The following LRRK1 variants were observed in gnomAD, a reference collection of about 807,000 sequenced individuals.
LRRK1 encodes the protein leucine rich repeat kinase 1.
LRRK1 carries 113 observed loss-of-function variants against 209.1 expected under a neutral mutation model. The observed-to-expected ratio is 0.54, with a 90% CI of 0.46 to 0.63. The LOEUF is 0.63. LRRK1 is among the 30% of genes least tolerant of loss of function. The probability of loss-of-function intolerance (pLI) is 0.00; values close to 1 mark genes in which losing one functional copy is unlikely to be tolerated. For synonymous variants in LRRK1, 1,144 were observed against 1,099.7 expected, an observed-to-expected ratio of 1.04 and a Z score of -0.80; for missense variants, 2,284 against 2,632.2, an observed-to-expected ratio of 0.87 and a Z score of 2.89.
At chr15:101,008,272 A>G (rs1041480852) in intron 6 of LRRK1, among the ~76,000 whole-genome samples, 6 of 150,164 alleles carry the variant, frequency 4.0e-5, no homozygotes, top group African/African-American at 1.5e-4. Context: ...CGTGGGCCAG[A>G]GTTCTGTTTT....
intron 27 of LRRK1, among the ~76,000 whole-genome samples, chr15:101,055,870 C>T (rs531602377): frequency 6.6e-6 from 1 of 152,312 alleles, no homozygotes; most frequent in East Asian, 1.9e-4. Context: ...TAATTGATCA[C>T]CCAGCATTAA....
intron 2 of LRRK1, among the ~76,000 whole-genome samples, chr15:100,945,634 C>T (rs1385736930): frequency 2.0e-5 from 3 of 151,654 alleles, no homozygotes; most frequent in South Asian, 2.1e-4. Context: ...GCTGGGATCA[C>T]AGGCGCCCAC....
At chr15:101,061,481 C>CTCAACCCTGCCTGCT (rs2036176760) in intron 30 of LRRK1, among the ~76,000 whole-genome samples, 193 bp downstream of exon 30, 1 of 152,238 alleles carries the variant, frequency 6.6e-6, no homozygotes, top group South Asian at 2.1e-4. Context: ...CCAGGGGCAG[C>CTCAACCCTGCCTGCT]TCAACCCTGC....
chr15:100,983,329 C>T (rs1411459134), intron 3 of LRRK1, among the ~76,000 whole-genome samples, 199 bp from the exon 4 acceptor site: 2 of 152,186 alleles, frequency 1.3e-5, no homozygotes, highest in African/African-American at 2.4e-5. Context: ...TTTGAATTCA[C>T]GTGTGATTTT....
chr15:101,045,831 A>G, intron 20 of LRRK1, 150 bp from the exon 21 acceptor site: 1 of 646,668 alleles, frequency 1.5e-6, no homozygotes, highest in Admixed American at 2.6e-5. Flanking sequence ...CTTACTAATA[A>G]CAGAATTCCA....
At chr15:100,999,150 T>C (rs1043935433) in intron 6 of LRRK1, among the ~76,000 whole-genome samples, 1 of 152,178 alleles carries the variant, frequency 6.6e-6, no homozygotes, top group Non-Finnish European at 1.5e-5. Context: ...TGCATTTTTT[T>C]CCCTCTTTCA....
chr15:101,021,798 G>A (rs1567238683), intron 13 of LRRK1, 47 bp from the exon 14 acceptor site: 2 of 1,091,106 alleles, frequency 1.8e-6, no homozygotes, highest in Non-Finnish European at 2.8e-6. Context: ...GTGTGTGTGT[G>A]TGTGTGTGTG....
rs1414006207 is a variant in LRRK1, at chr15:101,076,748, C to A, written c.*7900C>A. The A allele has an allele frequency of 1.3e-5, 2 of 152,462 alleles. No homozygotes were observed. The highest frequency in any genetic ancestry group is 4.8e-5 in the African/African-American group (2 of 41,460). The allele number at this position is 152,462 out of a possible 1,614,324, so 9.4% of individuals were successfully genotyped here. A position where few individuals can be genotyped will look rare whatever the true frequency, so the allele number is the denominator to read the frequency against. ...CACATCAAGCTCAGGGATTTGCCTC[C>A]ACCCAGGACTGGCAAATTGACTTTA... On this transcript the variant is annotated 3_prime_UTR_variant, in exon 34 of 34. Transcript: ENST00000388948.
In LRRK1 at chr15:101,068,835, G is replaced by T. The variant is rs370159409; in HGVS notation, c.6035G>T (p.Arg2012Leu). 2 of 1,601,440 alleles carry T rather than the reference G, an allele frequency of 1.2e-6. No homozygotes were observed. The highest frequency in any genetic ancestry group is 2.2e-5 in the South Asian group (2 of 89,104). The change falls in exon 34 of 34, where the codon CGC becomes CTC. Residue 2012 changes from arginine (R) to leucine (L), a missense_variant. Physicochemically the swap from Arg to Leu is moderately radical, Grantham distance 102. Coordinates refer to ENST00000388948, the MANE Select transcript of LRRK1 (RefSeq NM_024652.6). ...CTGGGCCGGCTGGAGGCTTGCACTC[G>T]CAAGAGAAGGTAATTCCTGTGGAAT... ...EELGRLEACT[R>L]KRR is the part of the protein sequence containing the mutation.
chr15:100,950,151 G>T (rs1470853414), intron 2 of LRRK1, among the ~76,000 whole-genome samples: 2 of 152,214 alleles, frequency 1.3e-5, no homozygotes, highest in Non-Finnish European at 2.9e-5. Context: ...CAGCAAATTT[G>T]CAGGATGCAA....
Position 101,058,000 on chromosome 15 carries a change from C to T in LRRK1, c.4538C>T (p.Ala1513Val). 1.2e-6 allele frequency: 2 copies of T among 1,614,124 alleles called. No homozygotes were observed. The highest frequency in any genetic ancestry group is 1.7e-6 in the Non-Finnish European group (2 of 1,180,010). Residue 1513 changes from alanine to valine, a missense_variant, in exon 29 of 34, where the codon GCC becomes GTC. By Grantham distance (64) the Ala-to-Val change is moderately conservative (BLOSUM62 0). Around this residue, in one of 6 missense-constraint regions of LRRK1, gnomAD observed 643 missense variants for 695.9 expected, o/e 0.92. Coordinates refer to ENST00000388948, the MANE Select transcript of LRRK1 (RefSeq NM_024652.6). ...WDTKPEKRPL[A>V]LSVVSQMKDP... ...GCTTCTCTCCCTCAGCGACCGCTGGCCCTGTCGGTGGTGAGCCAGATGAAG... is the reference window on the plus strand; with the variant it reads ...GCTTCTCTCCCTCAGCGACCGCTGGTCCTGTCGGTGGTGAGCCAGATGAAG...
At chr15:101,057,292 GCAAA>G (rs143975412) in intron 28 of LRRK1, among the ~76,000 whole-genome samples, 1,987 of 152,280 alleles carry the variant, frequency 0.013, 42 homozygotes, top group African/African-American at 0.045. Context: ...ACTTCACCGT[GCAAA>G]CAAAGTATAT....
At position 100,971,059 on chromosome 15, in the gene LRRK1, C is replaced by T. The variant is rs550098877; in HGVS notation, c.98-2745C>T. ...ATTTAAAAAGAAAAACAAGGCCAGG[C>T]GCAGCGGCTCACGCCTGTAATCCCA... On this transcript the variant is annotated intron_variant, in intron 2 of 33. Transcript: ENST00000388948. Among the ~76,000 whole-genome samples, 17 of 152,172 alleles carry T rather than the reference C, an allele frequency of 1.1e-4. No individual in the cohort carries two copies. In the East Asian group the frequency reaches 2.1e-3, roughly 19 times the overall value.
In LRRK1 at chr15:101,074,225, C is replaced by A. The variant is rs1417343621; in HGVS notation, c.*5377C>A. The A allele has an allele frequency of 2.0e-5, 3 of 151,952 alleles. No individual in the cohort carries two copies. Among genetic ancestry groups the A allele is most frequent in the South Asian group, 2.1e-4 (1 of 4,810 alleles). The allele number at this position is 151,952 out of a possible 1,614,324, so 9.4% of individuals were successfully genotyped here. A position where few individuals can be genotyped will look rare whatever the true frequency, so the allele number is the denominator to read the frequency against. On this transcript the variant is annotated 3_prime_UTR_variant, in exon 34 of 34. Coordinates refer to ENST00000388948, the MANE Select transcript of LRRK1 (RefSeq NM_024652.6). Reference sequence around the variant, plus strand: ...CCCCTCCTCCCCAGGCTGCTCCTTGCCAGGCCGAGCTAGGTCCCAATTCTT... The same window carrying A: ...CCCCTCCTCCCCAGGCTGCTCCTTGACAGGCCGAGCTAGGTCCCAATTCTT...
chr15:100,955,263 G>A (rs766823423), intron 2 of LRRK1, among the ~76,000 whole-genome samples: 1 of 152,086 alleles, frequency 6.6e-6, no homozygotes, highest in Non-Finnish European at 1.5e-5. Context: ...TGTAGCTATT[G>A]TAAAAGGGAT....
At chr15:101,066,281 C>T (rs1596361763) in intron 32 of LRRK1, 76 bp downstream of exon 32, 1 of 1,505,240 alleles carries the variant, frequency 6.6e-7, no homozygotes, top group South Asian at 1.3e-5. Flanking sequence ...AAGGGGAAGC[C>T]CCCTGGCTTC....
In LRRK1 at chr15:101,058,785, G is replaced by A. The variant is rs530347136; in HGVS notation, c.4679+644G>A. 4.9e-4 allele frequency among the ~76,000 whole-genome samples: 71 copies of A among 145,790 alleles called. 1 individual carries two copies. The South Asian group carries it at 0.014, about 29-fold the overall frequency. ...CTAAAGGATCCTAGGTATTGCCAGA[G>A]TTAAAAAAAAAACTCAAGAGTTATG... On this transcript the variant is annotated intron_variant, in intron 29 of 33. Transcript: ENST00000388948.
chr15:100,941,464 CTGTGTG>C (rs763355554), intron 2 of LRRK1, among the ~76,000 whole-genome samples: 26 of 88,820 alleles, frequency 2.9e-4, no homozygotes, highest in African/African-American at 1.1e-3. Context: ...GTCTATGTCT[CTGTGTG>C]TGTGTGTGTG....
At chr15:101,067,634 G>A (rs1007323218) in intron 33 of LRRK1, among the ~76,000 whole-genome samples, 4 of 152,286 alleles carry the variant, frequency 2.6e-5, no homozygotes, top group East Asian at 1.9e-4. Flanking sequence ...CTTGGCAGTC[G>A]CACTCCCTTG....
Sources: gnomAD v4.1 joint callset for allele counts (sites outside exome capture counted in the v4.1 genomes callset) on GRCh38, gnomAD v4.1.1 for gene constraint, gnomAD v4.1.1 regional missense constraint, MANE v1.5 for transcripts, NCBI Gene and HGNC (gene_info 2026-07-23, HGNC 2026-07-21) for gene names.